PCDH11X: variants seen among roughly 807,000 people sequenced by gnomAD.
The protein encoded by PCDH11X is protocadherin-11 X-linked.
PCDH11X carries 18 observed loss-of-function variants against 53.3 expected under a neutral mutation model. That is an observed-to-expected ratio of 0.34 (90% CI 0.23 to 0.50). PCDH11X has a LOEUF of 0.50. PCDH11X is among the 20% of genes least tolerant of loss of function. The pLI is 0.98. For missense variants in PCDH11X, 570 were observed against 1,032.4 expected, an observed-to-expected ratio of 0.55 and a Z score of 6.14; for synonymous variants, 279 against 393.3, an observed-to-expected ratio of 0.71 and a Z score of 3.44.
intron 9 of PCDH11X, among the ~76,000 whole-genome samples, chrX:92,465,643 G>T (rs1439275294): frequency 9.0e-6 from 1 of 111,228 alleles, no homozygotes; most frequent in Non-Finnish European, 1.9e-5. Context: ...TTTACTTTTA[G>T]CCAGATATTT....
chrX:91,903,209 G>A lies in PCDH11X; in HGVS notation c.3033+23936G>A, dbSNP rs2524568. Among the ~76,000 whole-genome samples, 588 of 110,873 alleles carry A rather than the reference G, an allele frequency of 5.3e-3. 5 individuals are homozygous for A. Among genetic ancestry groups the A allele is most frequent in the African/African-American group, 0.018 (559 of 30,477 alleles). On this transcript the variant is annotated intron_variant, in intron 6 of 10. Coordinates refer to ENST00000682573, the MANE Select transcript of PCDH11X (RefSeq NM_032968.5). ...CTGTATCCTATTTTAAGTTCTTTTCGTGTTTTATGTGGACAACTGAGATAG... is the reference window on the plus strand; with the variant it reads ...CTGTATCCTATTTTAAGTTCTTTTCATGTTTTATGTGGACAACTGAGATAG...
At chrX:92,006,233 A>C (rs2147971126) in intron 6 of PCDH11X, among the ~76,000 whole-genome samples, 1 of 110,635 alleles carries the variant, frequency 9.0e-6, no homozygotes, top group South Asian at 3.9e-4. Context: ...CAAGGCTAAT[A>C]ACTCTTAAAT....
intron 8 of PCDH11X, among the ~76,000 whole-genome samples, chrX:92,322,911 C>G (rs760961317): frequency 9.0e-6 from 1 of 111,239 alleles, no homozygotes; most frequent in African/African-American, 3.3e-5. Flanking sequence ...ATCTGTCAAA[C>G]AGGTCGTGTT....
At chrX:92,600,191 C>T (rs943853896) in intron 10 of PCDH11X, among the ~76,000 whole-genome samples, 2 of 104,043 alleles carry the variant, frequency 1.9e-5, no homozygotes, top group Non-Finnish European at 3.9e-5. Context: ...AGGAAAAATT[C>T]AAAGCTGGCT....
chrX:91,787,288 T>C (rs1935365534), intron 1 of PCDH11X, among the ~76,000 whole-genome samples: 2 of 110,781 alleles, frequency 1.8e-5, no homozygotes, highest in Non-Finnish European at 3.8e-5. Flanking sequence ...GTAGTGTTTT[T>C]TTTCCTGACA....
At chrX:92,591,905 ACT>A (rs1284883326) in intron 10 of PCDH11X, among the ~76,000 whole-genome samples, 4 of 109,427 alleles carry the variant, frequency 3.7e-5, no homozygotes, top group African/African-American at 1.3e-4. Flanking sequence ...TGTCTCCTCT[ACT>A]CTCTTTCTGG....
intron 3 of PCDH11X, 40 bp from the exon 4 acceptor site, chrX:91,811,197 C>T: frequency 2.6e-6 from 3 of 1,156,021 alleles, no homozygotes; most frequent in East Asian, 3.0e-5. Context: ...AGGCAAAGAC[C>T]TTTTTCTTCC....
intron 10 of PCDH11X, among the ~76,000 whole-genome samples, chrX:92,570,767 C>T (rs750440119): frequency 6.9e-5 from 7 of 101,244 alleles, no homozygotes; most frequent in African/African-American, 2.5e-4. Flanking sequence ...GAGTTATTCT[C>T]TGTCATAATC....
rs768111631 is a variant in PCDH11X at position 92,301,579 on chromosome X, C to T, written c.3144+38436C>T. Reference sequence around the variant, plus strand: ...CTACCAGGATTCCAGATGTCCGTGGCGAAAGTGAATCACTCCTCACATGTT... The same window carrying T: ...CTACCAGGATTCCAGATGTCCGTGGTGAAAGTGAATCACTCCTCACATGTT... On this transcript the variant is annotated intron_variant, in intron 8 of 10. Transcript: ENST00000682573. 4.7e-3 allele frequency among the ~76,000 whole-genome samples: 526 copies of T among 110,793 alleles called. 2 individuals carry two copies. Among genetic ancestry groups the T allele is most frequent in the Non-Finnish European group, 7.9e-3 (420 of 52,910 alleles).
intron 7 of PCDH11X, among the ~76,000 whole-genome samples, chrX:92,237,166 G>T (rs2148379153): frequency 9.0e-6 from 1 of 110,811 alleles, no homozygotes; most frequent in Non-Finnish European, 1.9e-5. Flanking sequence ...TTTTTTTAAA[G>T]TATATTTTAA....
In PCDH11X at chrX:92,601,561, A is replaced by G. The variant is rs368519615; in HGVS notation, c.3368-16703A>G. Among the ~76,000 whole-genome samples, 18 of 109,480 alleles carry G rather than the reference A, an allele frequency of 1.6e-4. 1 individual carries two copies. The highest frequency in any genetic ancestry group is 1.3e-3 in the Admixed American group (13 of 10,233). ...ATGACCCAACCATTCTACTCTGGGTATATACTCAAAAGTAGTTGAAATAGA... is the reference window on the plus strand; with the variant it reads ...ATGACCCAACCATTCTACTCTGGGTGTATACTCAAAAGTAGTTGAAATAGA... On this transcript the variant is annotated intron_variant, in intron 10 of 10. Coordinates refer to ENST00000682573, the MANE Select transcript of PCDH11X (RefSeq NM_032968.5).
At chrX:92,506,622 G>T (rs2074066101) in intron 10 of PCDH11X, among the ~76,000 whole-genome samples, 1 of 96,281 alleles carries the variant, frequency 1.0e-5, no homozygotes, top group Non-Finnish European at 2.1e-5. Context: ...TGTGCTAATG[G>T]ATTCAGTTTG....
At position 92,478,118 on chromosome X, in the gene PCDH11X, C is replaced by T. The variant is rs145905126; in HGVS notation, c.3367+9796C>T. ...AGTTTCTCCTTCACATGTTCTTTCT[C>T]CTGCCACCTTGTGAAGAAGGTACTT... On this transcript the variant is annotated intron_variant, in intron 10 of 10. Coordinates refer to ENST00000682573, the MANE Select transcript of PCDH11X (RefSeq NM_032968.5). Among the ~76,000 whole-genome samples, 319 of 110,648 alleles carry T rather than the reference C, an allele frequency of 2.9e-3. 2 individuals carry two copies. Among genetic ancestry groups the T allele is most frequent in the African/African-American group, 0.01 (306 of 30,092 alleles).
intron 6 of PCDH11X, among the ~76,000 whole-genome samples, chrX:91,887,923 T>C (rs1450418497): frequency 1.1e-4 from 12 of 111,734 alleles, no homozygotes; most frequent in African/African-American, 3.9e-4. Flanking sequence ...AAATATCAAG[T>C]CTTGATGAAA....
intron 8 of PCDH11X, among the ~76,000 whole-genome samples, chrX:92,365,002 A>C (rs1439493818): frequency 3.6e-5 from 3 of 83,839 alleles, no homozygotes; most frequent in Non-Finnish European, 7.2e-5. Context: ...AAACTTTTTA[A>C]ATCTTTCTGT....
chrX:92,279,058 G>A (rs935034168), intron 8 of PCDH11X, among the ~76,000 whole-genome samples: 1 of 111,270 alleles, frequency 9.0e-6, no homozygotes, highest in Admixed American at 9.5e-5. Flanking sequence ...TGATCCACCT[G>A]CCTCGGCCTC....
intron 6 of PCDH11X, among the ~76,000 whole-genome samples, chrX:92,140,549 C>T (rs1405218419): frequency 3.6e-5 from 4 of 111,748 alleles, no homozygotes; most frequent in African/African-American, 6.5e-5. Context: ...GTGCTTTTGT[C>T]ACTTTTTCCT....
At chrX:91,916,274 G>A (rs983199345) in intron 6 of PCDH11X, among the ~76,000 whole-genome samples, 1 of 110,328 alleles carries the variant, frequency 9.1e-6, no homozygotes, top group Non-Finnish European at 1.9e-5. Flanking sequence ...AGGAACTAGA[G>A]AAACAAGAAC....
chrX:92,163,502 A>G (rs1195411300), intron 6 of PCDH11X, among the ~76,000 whole-genome samples: 1 of 110,863 alleles, frequency 9.0e-6, no homozygotes, highest in Non-Finnish European at 1.9e-5. Flanking sequence ...GAGAGCCCAC[A>G]GGGCTTTTTC....
Sources: gnomAD v4.1 joint callset for allele counts (sites outside exome capture counted in the v4.1 genomes callset) on GRCh38, gnomAD v4.1.1 for gene constraint, MANE v1.5 for transcripts, NCBI Gene and HGNC (gene_info 2026-07-23, HGNC 2026-07-21) for gene names.